TMEM217: variants seen among roughly 807,000 people sequenced by gnomAD.
TMEM217 encodes chromosome 6 open reading frame 128.
For synonymous variants in TMEM217, 76 were observed against 88.3 expected, an observed-to-expected ratio of 0.86 and a Z score of 0.78; for missense variants, 204 against 248.8, an observed-to-expected ratio of 0.82 and a Z score of 1.21.
intron 1 of TMEM217, among the ~76,000 whole-genome samples, chr6:37,243,874 C>T (rs180769355): frequency 1.3e-3 from 197 of 152,224 alleles, no homozygotes; most frequent in African/African-American, 4.4e-3. Flanking sequence ...CTGAGTCTGC[C>T]TCTGGATGGG....
intron 1 of TMEM217, among the ~76,000 whole-genome samples, chr6:37,252,985 G>T (rs1353236172): frequency 1.3e-5 from 2 of 152,050 alleles, no homozygotes; most frequent in African/African-American, 2.4e-5. Flanking sequence ...TTAAAGAAAA[G>T]TTCCAGAAGT....
chr6:37,217,566 T>G, downstream of TMEM217: 1 of 888,962 alleles, frequency 1.1e-6, no homozygotes, highest in Non-Finnish European at 1.3e-6. Context: ...ACATATATCT[T>G]TGATTAAGGA....
intron 1 of TMEM217, among the ~76,000 whole-genome samples, chr6:37,230,175 CCTT>C (rs1349267483): frequency 6.6e-6 from 1 of 152,258 alleles, no homozygotes; most frequent in East Asian, 1.9e-4. Context: ...TCTGACTTCT[CCTT>C]CTGTCACAAT....
intron 1 of TMEM217, among the ~76,000 whole-genome samples, chr6:37,222,791 C>T (rs1239425791): frequency 6.6e-6 from 1 of 152,212 alleles, no homozygotes; most frequent in Non-Finnish European, 1.5e-5. Context: ...GCAGTAGCAC[C>T]CGGTGAGTTC....
At chr6:37,226,281 CTTTTTTTTTT>C (rs755752365) in intron 1 of TMEM217, among the ~76,000 whole-genome samples, 53 of 74,880 alleles carry the variant, frequency 7.1e-4, no homozygotes, top group East Asian at 2.2e-3. Flanking sequence ...TTGAGACAGT[CTTTTTTTTTT>C]TTTTTTTTTT....
chr6:37,253,146 T>G (rs994498121), intron 1 of TMEM217, among the ~76,000 whole-genome samples: 3 of 152,250 alleles, frequency 2.0e-5, no homozygotes, highest in African/African-American at 7.2e-5. Flanking sequence ...TTCATACACC[T>G]TTTTGATGTG....
rs1384539122 is a variant in TMEM217, at chr6:37,224,373, C to T, written c.-11-5332G>A. On this transcript the variant is annotated intron_variant, in intron 1 of 1. Coordinates refer to ENST00000357219, the Ensembl canonical transcript of TMEM217. ...CAGCACTTTGGGAGGCTGAGGTGGG[C>T]GGATCATGAGGTCAGGAGATCGAGA... 2.7e-5 allele frequency among the ~76,000 whole-genome samples: 4 copies of T among 149,626 alleles called. No homozygotes were observed. In the South Asian group the frequency reaches 6.4e-4, roughly 24 times the overall value.
intron 1 of TMEM217, among the ~76,000 whole-genome samples, chr6:37,249,009 C>T (rs1765245429): frequency 6.6e-6 from 1 of 152,214 alleles, no homozygotes; most frequent in Non-Finnish European, 1.5e-5. Context: ...CAATCTGCCT[C>T]TGTGGTCACA....
chr6:37,216,635 G>A (rs114884494), downstream of TMEM217, among the ~76,000 whole-genome samples: 999 of 152,242 alleles, frequency 6.6e-3, 10 homozygotes, highest in African/African-American at 0.022. Context: ...GGATGGGAGC[G>A]GGGAAGACAA....
At chr6:37,216,453 G>T (rs1204221246), downstream of TMEM217, among the ~76,000 whole-genome samples, 1 of 152,170 alleles carries the variant, frequency 6.6e-6, no homozygotes, top group East Asian at 1.9e-4. Context: ...GGTGGAGGTA[G>T]GCAGAGCAGT....
At chr6:37,235,497 C>G (rs1764451770) in intron 1 of TMEM217, among the ~76,000 whole-genome samples, 1 of 152,146 alleles carries the variant, frequency 6.6e-6, no homozygotes, top group Non-Finnish European at 1.5e-5. Context: ...TCCTGAGTAG[C>G]TGGGACTACA....
intron 1 of TMEM217, among the ~76,000 whole-genome samples, chr6:37,219,823 A>G (rs1347654605): frequency 6.6e-6 from 1 of 152,126 alleles, no homozygotes; most frequent in Non-Finnish European, 1.5e-5. Context: ...ACTTGTTCAG[A>G]CCTGAGTACA....
chr6:37,239,720 A>T (rs1201543266), intron 1 of TMEM217, among the ~76,000 whole-genome samples: 1 of 152,018 alleles, frequency 6.6e-6, no homozygotes, highest in Non-Finnish European at 1.5e-5. Flanking sequence ...TTTCAGATGG[A>T]TCTCTTGCAA....
At chr6:37,219,173 C>T (rs1763386137) in intron 1 of TMEM217, 132 bp from the exon 2 acceptor site, 1 of 791,456 alleles carries the variant, frequency 1.3e-6, no homozygotes, top group Non-Finnish European at 2.0e-6. Flanking sequence ...GAAACTATAG[C>T]CTTGGGAAGA....
At chr6:37,222,002 T>C (rs1727714671) in intron 1 of TMEM217, among the ~76,000 whole-genome samples, 1 of 152,104 alleles carries the variant, frequency 6.6e-6, no homozygotes, top group Non-Finnish European at 1.5e-5. Flanking sequence ...GTCCTCCCAT[T>C]GTCTCCTGCT....
exon 2 of TMEM217, chr6:37,218,054 G>A: frequency 1.0e-6 from 1 of 1,002,148 alleles, no homozygotes; most frequent in Non-Finnish European, 1.2e-6. Flanking sequence ...GAACTGCTAA[G>A]CAAAAGTGGG....
At chr6:37,254,754 C>T (rs1414576917) in intron 1 of TMEM217, among the ~76,000 whole-genome samples, 2 of 152,150 alleles carry the variant, frequency 1.3e-5, no homozygotes, top group Non-Finnish European at 2.9e-5. Context: ...CAGCAGGGAA[C>T]AAAACAAAGT....
downstream of TMEM217, among the ~76,000 whole-genome samples, chr6:37,216,322 G>T (rs959114488): frequency 2.0e-5 from 3 of 152,180 alleles, no homozygotes; most frequent in Middle Eastern, 3.4e-3. Context: ...CAAGTGATCC[G>T]CCCGCTTTGG....
chr6:37,238,713 A>C (rs1285025313), intron 1 of TMEM217, among the ~76,000 whole-genome samples: 1 of 152,272 alleles, frequency 6.6e-6, no homozygotes, highest in African/African-American at 2.4e-5. Flanking sequence ...TGAAGCAACA[A>C]GCATGAAGAC....
Sources: gnomAD v4.1 joint callset for allele counts (sites outside exome capture counted in the v4.1 genomes callset) on GRCh38, gnomAD v4.1.1 for gene constraint, MANE v1.5 for transcripts, NCBI Gene and HGNC (gene_info 2026-07-23, HGNC 2026-07-21) for gene names.